ZHX2: variants seen among roughly 807,000 people sequenced by gnomAD.
ZHX2 encodes zinc fingers and homeoboxes 2, also known as zinc fingers and homeoboxes protein 2.
Under a neutral mutation model 21.9 loss-of-function variants are expected in ZHX2, and 6 were observed. The ratio of observed to expected loss-of-function variants is 0.27; its 90% CI spans 0.15 to 0.54. ZHX2 has a LOEUF of 0.54. Among genes scored for constraint, ZHX2 ranks in the 20% least tolerant of loss-of-function variants. The pLI is 0.95. For missense variants in ZHX2, 908 were observed against 1,090.7 expected (o/e 0.83, Z 2.36); for synonymous variants, 434 against 437.1 (o/e 0.99, Z 0.09).
At position 122,803,662 on chromosome 8, in the gene ZHX2, C is replaced by T. The variant is rs145898696; in HGVS notation, c.-283+21716C>T. ...ATCTCCTCTTCCCCCATGGAGAACC[C>T]GTGGACTAAATCACACCCTCTGTTT... On this transcript the variant is annotated intron_variant, in intron 1 of 3. Transcript: ENST00000314393. Among the ~76,000 whole-genome samples the T allele has an allele frequency of 9.0e-4, 137 of 152,348 alleles. 1 individual carries two copies. The highest frequency in any genetic ancestry group is 2.9e-3 in the African/African-American group (121 of 41,596).
At chr8:122,800,021 C>T (rs1013392628) in intron 1 of ZHX2, among the ~76,000 whole-genome samples, 2 of 152,128 alleles carry the variant, frequency 1.3e-5, no homozygotes, top group Admixed American at 6.5e-5. Context: ...CCACACCCGG[C>T]TGATTTTGTA....
intron 2 of ZHX2, among the ~76,000 whole-genome samples, chr8:122,933,109 A>G (rs1821033777): frequency 6.6e-6 from 1 of 152,130 alleles, no homozygotes. Context: ...ATGGAGAAAG[A>G]TCTGACAGAC....
In ZHX2 at chr8:122,902,927, T is replaced by A. The variant is rs149040052; in HGVS notation, c.-220+39388T>A. ...CTGTACAGAGATGGTAATGGGAAGC[T>A]GGATTCCCAAGGCCTCCTGGGTGAG... On this transcript the variant is annotated intron_variant, in intron 2 of 3. Transcript: ENST00000314393. 7.0e-3 allele frequency among the ~76,000 whole-genome samples: 1,060 copies of A among 152,302 alleles called. 4 individuals are homozygous for A. The highest frequency in any genetic ancestry group is 0.041 in the Middle Eastern group (12 of 294).
chr8:122,961,071 G>T (rs966176662), intron 3 of ZHX2, among the ~76,000 whole-genome samples: 1 of 152,176 alleles, frequency 6.6e-6, no homozygotes, highest in Non-Finnish European at 1.5e-5. Flanking sequence ...AATGTCACAG[G>T]CTGGGTCACT....
chr8:122,893,186 C>G (rs1820022597), intron 2 of ZHX2, among the ~76,000 whole-genome samples: 1 of 152,080 alleles, frequency 6.6e-6, no homozygotes, highest in African/African-American at 2.4e-5. Flanking sequence ...GAGGTTTTGG[C>G]TGAAAAATAT....
At chr8:122,946,569 T>TCA (rs1335103752) in intron 2 of ZHX2, among the ~76,000 whole-genome samples, 15 of 152,166 alleles carry the variant, frequency 9.9e-5, no homozygotes, top group Non-Finnish European at 1.8e-4. Flanking sequence ...TTTCGGGGGC[T>TCA]CACTTGTTAA....
chr8:122,973,036 G>A (rs368350846), intron 3 of ZHX2, among the ~76,000 whole-genome samples: 42 of 152,210 alleles, frequency 2.8e-4, no homozygotes, highest in African/African-American at 8.9e-4. Context: ...CTATTATGGC[G>A]GACTGTGCTC....
At chr8:122,904,314 C>T (rs1820297805) in intron 2 of ZHX2, among the ~76,000 whole-genome samples, 1 of 152,216 alleles carries the variant, frequency 6.6e-6, no homozygotes, top group African/African-American at 2.4e-5. Flanking sequence ...CCCTGCTCCA[C>T]CAGCAAAAGC....
intron 1 of ZHX2, among the ~76,000 whole-genome samples, chr8:122,846,074 T>C (rs949474687): frequency 7.9e-5 from 12 of 151,482 alleles, no homozygotes; most frequent in African/African-American, 2.9e-4. Context: ...GGAGGTAAAG[T>C]AGACAGATTC....
chr8:122,813,714 T>G (rs1383161075), intron 1 of ZHX2, among the ~76,000 whole-genome samples: 1 of 152,226 alleles, frequency 6.6e-6, no homozygotes. Flanking sequence ...GCATTTCTAA[T>G]GCAAAGATCC....
intron 1 of ZHX2, among the ~76,000 whole-genome samples, chr8:122,786,138 C>G (rs1817391018): frequency 6.6e-6 from 1 of 152,166 alleles, no homozygotes; most frequent in Non-Finnish European, 1.5e-5. Flanking sequence ...TACAGGGAGG[C>G]AATCAGCTCT....
chr8:122,794,321 G>A (rs1817580514), intron 1 of ZHX2, among the ~76,000 whole-genome samples: 1 of 151,562 alleles, frequency 6.6e-6, no homozygotes, highest in Admixed American at 6.6e-5. Context: ...TTATTGGAAG[G>A]AATACATGTT....
At chr8:122,813,962 T>C (rs1313966085) in intron 1 of ZHX2, among the ~76,000 whole-genome samples, 1 of 152,232 alleles carries the variant, frequency 6.6e-6, no homozygotes, top group African/African-American at 2.4e-5. Context: ...GTAGACATTC[T>C]TGTCCCCATT....
intron 1 of ZHX2, among the ~76,000 whole-genome samples, chr8:122,811,241 G>A (rs571405958): frequency 3.9e-4 from 60 of 152,112 alleles, no homozygotes; most frequent in Middle Eastern, 3.4e-3. Context: ...ATAGCTGGGC[G>A]TAGTGGCACA....
At chr8:122,968,682 T>C (rs572055595) in intron 3 of ZHX2, among the ~76,000 whole-genome samples, 1 of 151,346 alleles carries the variant, frequency 6.6e-6, no homozygotes, top group East Asian at 2.0e-4. Context: ...CTACTAAAAA[T>C]ACAAAAATTA....
At position 122,782,240 on chromosome 8, in the gene ZHX2, A is replaced by C. The variant is rs1199853374; in HGVS notation, c.-283+294A>C. On this transcript the variant is annotated intron_variant, in intron 1 of 3. Transcript: ENST00000314393. This position sits in a 1 kb window ranked among gnomAD's most constrained non-coding sequence, Gnocchi z 5.3. ...ACAAGTTTGGATAAATGGGAGCCAG[A>C]GCGAGGAGGAGGAGGAGGAGGAGGA... Among the ~76,000 whole-genome samples the C allele has an allele frequency of 2.6e-5, 4 of 152,088 alleles. No homozygotes were observed. Among genetic ancestry groups the C allele is most frequent in the African/African-American group, 4.8e-5 (2 of 41,418 alleles).
chr8:122,811,400 TA>T (rs1390543944), intron 1 of ZHX2, among the ~76,000 whole-genome samples: 1 of 151,962 alleles, frequency 6.6e-6, no homozygotes, highest in Non-Finnish European at 1.5e-5. Flanking sequence ...TAAAATAAAA[TA>T]AAATATCTAC....
chr8:122,971,665 T>C (rs1286740261), intron 3 of ZHX2, among the ~76,000 whole-genome samples: 1 of 145,748 alleles, frequency 6.9e-6, no homozygotes, highest in African/African-American at 2.5e-5. Context: ...CCAAACAGCC[T>C]TACCAGGAGG....
intron 2 of ZHX2, among the ~76,000 whole-genome samples, chr8:122,879,858 A>T (rs1008079425): frequency 2.0e-5 from 3 of 151,982 alleles, no homozygotes; most frequent in Non-Finnish European, 4.4e-5. Flanking sequence ...TAGTGTTGTT[A>T]TGAGGACTAA....
Sources: allele counts gnomAD v4.1 joint callset (sites outside exome capture counted in the v4.1 genomes callset), GRCh38; gene constraint gnomAD v4.1.1; non-coding constraint Gnocchi (gnomAD v3.1); transcripts MANE v1.5; gene names NCBI Gene and HGNC (gene_info 2026-07-23, HGNC 2026-07-21).